Variants in CCDC198 observed in about 807,000 individuals in gnomAD.
CCDC198 encodes coiled-coil domain containing 198.
CCDC198 carries 18 observed loss-of-function variants against 35.6 expected under a neutral mutation model. That is an observed-to-expected ratio of 0.51 (90% CI 0.35 to 0.75). The LOEUF is 0.75. Among genes scored for constraint, CCDC198 ranks in the 30% least tolerant of loss-of-function variants. The pLI is 0.01. For synonymous variants in CCDC198, 119 were observed against 113.4 expected, an observed-to-expected ratio of 1.05 and a Z score of -0.31; for missense variants, 365 against 343.7, an observed-to-expected ratio of 1.06 and a Z score of -0.49.
intron 5 of CCDC198, chr14:57,475,788 CTTTTTTTTTTTTT>C (rs548486752): frequency 1.3e-3 from 145 of 108,778 alleles, no homozygotes; most frequent in Non-Finnish European, 1.8e-3. Context: ...CACTTAGCTT[CTTTTTTTTTTTTT>C]TTTTTTTTTT....
At chr14:57,489,794 A>G (rs369114824) in intron 2 of CCDC198, among the ~76,000 whole-genome samples, 1 of 152,116 alleles carries the variant, frequency 6.6e-6, no homozygotes, top group African/African-American at 2.4e-5. Flanking sequence ...AATATCTTCT[A>G]TTTGAACTAA....
intron 5 of CCDC198, chr14:57,478,786 T>A (rs2067086606): frequency 9.1e-7 from 1 of 1,097,458 alleles, no homozygotes; most frequent in East Asian, 6.3e-5. Flanking sequence ...AGATTTTCAA[T>A]TATTCAGCCT....
chr14:57,482,636 G>T (rs749089551), intron 3 of CCDC198, among the ~76,000 whole-genome samples: 2 of 152,144 alleles, frequency 1.3e-5, no homozygotes, highest in African/African-American at 2.4e-5. Context: ...TTTTTGGTGA[G>T]GTTGTGTCAA....
chr14:57,483,382 A>T, intron 2 of CCDC198: 3 of 523,476 alleles, frequency 5.7e-6, no homozygotes, highest in Non-Finnish European at 1.0e-5. Context: ...TATTGATCTA[A>T]GTGTTGGTCA....
At position 57,470,715 on chromosome 14, in the gene CCDC198, G is replaced by C. The variant is rs1205916805; in HGVS notation, c.*640C>G. On this transcript the variant is annotated 3_prime_UTR_variant, in exon 6 of 6. Coordinates refer to ENST00000216445, the MANE Select transcript of CCDC198 (RefSeq NM_018168.4). ...GCAAATGTCAAAGATGAACCCCAAA[G>C]GACCACACTTTGGCACTCATGCCCT... 1 of 152,206 alleles carries C rather than the reference G, an allele frequency of 6.6e-6. No homozygotes were observed. The highest frequency in any genetic ancestry group is 2.4e-5 in the African/African-American group (1 of 41,444). 9.4% of individuals were successfully genotyped at this position (152,206 alleles called of 1,614,324 possible). A position where few individuals can be genotyped will look rare whatever the true frequency, so the allele number is the denominator to read the frequency against.
At chr14:57,478,913 C>G (rs371832512) in intron 5 of CCDC198, 4 of 1,254,496 alleles carry the variant, frequency 3.2e-6, no homozygotes, top group Non-Finnish European at 1.0e-6. Context: ...ACATAGCCAG[C>G]TTTTCTGCAG....
chr14:57,493,787 A>G lies in CCDC198; in HGVS notation c.-72T>C. 1 of 1,150,498 alleles carries G rather than the reference A, an allele frequency of 8.7e-7. No individual in the cohort carries two copies. 71.3% of individuals were successfully genotyped at this position (1,150,498 alleles called of 1,614,324 possible). A position where few individuals can be genotyped will look rare whatever the true frequency, so the allele number is the denominator to read the frequency against. The stretch of plus-strand genomic sequence containing the variant: ...GGGGTCTTTAATATAGCTTATTTTA[A>G]TCAAAGCATTTCAGAAGTTTACCCT... On this transcript the variant is annotated 5_prime_UTR_variant, in exon 1 of 6. Transcript: ENST00000216445.
chr14:57,471,493 CTCTTGT>C lies in CCDC198; in HGVS notation c.747_752del (p.Gln250_Glu251del). 6.2e-7 allele frequency: 1 copy of C among 1,613,878 alleles called. No individual in the cohort carries two copies. The highest frequency in any genetic ancestry group is 8.5e-7 in the Non-Finnish European group (1 of 1,179,936). ...TGTCCCAGAGAAGCTGTCCCTGGGC[CTCTTGT>C]TCATGAAGCCATGTTTCCATTTTGC... On this transcript the variant is annotated inframe_deletion, in exon 6 of 6. Coordinates refer to ENST00000216445, the MANE Select transcript of CCDC198 (RefSeq NM_018168.4).
chr14:57,480,350 A>G (rs1341533584), intron 5 of CCDC198: 1 of 935,922 alleles, frequency 1.1e-6, no homozygotes, highest in African/African-American at 1.8e-5. Flanking sequence ...GCAATGAAGC[A>G]TGCAAAGCAT....
intron 3 of CCDC198, among the ~76,000 whole-genome samples, chr14:57,482,859 A>G (rs187600063): frequency 6.6e-6 from 1 of 152,302 alleles, no homozygotes; most frequent in African/African-American, 2.4e-5. Flanking sequence ...CTCATGCAAG[A>G]GGTAATAGCC....
intron 1 of CCDC198, among the ~76,000 whole-genome samples, chr14:57,493,163 A>G (rs947068657): frequency 2.0e-5 from 3 of 152,304 alleles, no homozygotes; most frequent in Non-Finnish European, 2.9e-5. Context: ...ATCATTTATC[A>G]CTAGTATCTA....
chr14:57,482,678 C>A (rs1157053930), intron 3 of CCDC198, among the ~76,000 whole-genome samples: 1 of 152,136 alleles, frequency 6.6e-6, no homozygotes, highest in African/African-American at 2.4e-5. Flanking sequence ...GATAAGATTT[C>A]TCCTGCAAAC....
rs1171264901 is a variant in CCDC198, at chr14:57,469,380, C to T, written c.*1975G>A. On this transcript the variant is annotated 3_prime_UTR_variant, in exon 6 of 6. Transcript: ENST00000216445. ...AAGCAGAAATACCATACAAAGAAGA[C>T]ATGGTTTATGCCCTCATGTAGCTCA... The T allele has an allele frequency of 6.6e-6, 1 of 152,204 alleles. No individual in the cohort carries two copies. The highest frequency in any genetic ancestry group is 1.9e-4 in the East Asian group (1 of 5,200). 9.4% of individuals were successfully genotyped at this position (152,204 alleles called of 1,614,324 possible). A position where few individuals can be genotyped will look rare whatever the true frequency, so the allele number is the denominator to read the frequency against.
intron 1 of CCDC198, among the ~76,000 whole-genome samples, chr14:57,492,952 T>C (rs2067625824): frequency 6.6e-6 from 1 of 152,020 alleles, no homozygotes; most frequent in Non-Finnish European, 1.5e-5. Context: ...CAGATGACCA[T>C]GAAGAATGTG....
At position 57,480,524 on chromosome 14, in the gene CCDC198, C is replaced by T. The variant is rs1381540351; in HGVS notation, c.655+71G>A. ...TTGCTGTCTTCTCATCATGTCCCTC[C>T]CTTGGTAGTTTATTTGATGAAGTTT... On this transcript the variant is annotated intron_variant, in intron 5 of 5. Transcript: ENST00000216445. The T allele has an allele frequency of 7.1e-6, 11 of 1,544,072 alleles. No homozygotes were observed. The East Asian group carries it at 2.3e-4, about 32-fold the overall frequency.
chr14:57,485,765 G>A (rs1380466140), intron 2 of CCDC198, among the ~76,000 whole-genome samples: 2 of 152,198 alleles, frequency 1.3e-5, no homozygotes, highest in Admixed American at 6.5e-5. Flanking sequence ...AGACAAAGAA[G>A]AGACAACAAG....
rs1015536371 is a variant in CCDC198 at position 57,475,130 on chromosome 14, G to A, written c.656-3540C>T. 9.9e-5 allele frequency among the ~76,000 whole-genome samples: 15 copies of A among 151,266 alleles called. 1 individual carries two copies. In the East Asian group the frequency reaches 1.2e-3, roughly 12 times the overall value. On this transcript the variant is annotated intron_variant, in intron 5 of 5. Coordinates refer to ENST00000216445, the MANE Select transcript of CCDC198 (RefSeq NM_018168.4). ...CAAAAAATTAGCCGGGCATGGTGGC[G>A]GGCGCCTGTAGTCCCAGCTACTCGG... is the stretch of plus-strand genomic sequence containing the variant.
intron 2 of CCDC198, among the ~76,000 whole-genome samples, chr14:57,484,712 G>A (rs1354011969): frequency 6.6e-6 from 1 of 152,234 alleles, no homozygotes; most frequent in East Asian, 1.9e-4. Context: ...AATGAGCTGA[G>A]AGGTGAGGCA....
intron 4 of CCDC198, among the ~76,000 whole-genome samples, 154 bp downstream of exon 4, chr14:57,481,405 A>G (rs2067180997): frequency 6.6e-6 from 1 of 152,216 alleles, no homozygotes; most frequent in Admixed American, 6.5e-5. Flanking sequence ...AATCTTCCTG[A>G]TTCTTCTCAG....
Sources: gnomAD v4.1 joint callset for allele counts (sites outside exome capture counted in the v4.1 genomes callset) on GRCh38, gnomAD v4.1.1 for gene constraint, MANE v1.5 for transcripts, NCBI Gene and HGNC (gene_info 2026-07-23, HGNC 2026-07-21) for gene names.